Variants in ADGRL3 observed in about 807,000 individuals in gnomAD.
The protein encoded by ADGRL3 is adhesion G protein-coupled receptor L3.
In ADGRL3, 62 loss-of-function variants were observed where a neutral mutation model predicts 153.5. The observed-to-expected ratio is 0.40, with a 90% CI of 0.33 to 0.50. The LOEUF (loss-of-function observed/expected upper bound fraction) is 0.50. Among genes scored for constraint, ADGRL3 ranks in the 20% least tolerant of loss-of-function variants. The pLI, the probability that ADGRL3 is intolerant of heterozygous loss-of-function variation, is 0.47. For missense variants in ADGRL3, 1,641 were observed against 1,859.4 expected, an observed-to-expected ratio of 0.88 and a Z score of 2.16; for synonymous variants, 710 against 672.5, an observed-to-expected ratio of 1.06 and a Z score of -0.86.
intron 25 of ADGRL3, among the ~76,000 whole-genome samples, chr4:62,046,835 T>C (rs933684134): frequency 6.6e-6 from 1 of 151,934 alleles, no homozygotes; most frequent in African/African-American, 2.4e-5. Flanking sequence ...ATCTTATTTT[T>C]TTATCTTAGA....
At chr4:61,898,967 C>T (rs2098648052) in intron 11 of ADGRL3, among the ~76,000 whole-genome samples, 1 of 151,908 alleles carries the variant, frequency 6.6e-6, no homozygotes, top group Non-Finnish European at 1.5e-5. Flanking sequence ...GCCACGTTGC[C>T]TGCTCCTTAC....
intron 9 of ADGRL3, among the ~76,000 whole-genome samples, chr4:61,842,151 C>A (rs903548551): frequency 2.0e-5 from 3 of 151,864 alleles, no homozygotes; most frequent in African/African-American, 7.3e-5. Context: ...CATTTTAATA[C>A]CAAAAGCAAT....
intron 22 of ADGRL3, among the ~76,000 whole-genome samples, chr4:62,029,825 T>C (rs1343973585): frequency 6.6e-6 from 1 of 151,608 alleles, no homozygotes; most frequent in Non-Finnish European, 1.5e-5. Flanking sequence ...ATTATTTTGT[T>C]TTTAAATCTA....
chr4:62,039,484 C>T (rs534790010), intron 24 of ADGRL3, among the ~76,000 whole-genome samples: 27 of 152,096 alleles, frequency 1.8e-4, no homozygotes, highest in Admixed American at 4.6e-4. Context: ...TTTTACTAAC[C>T]ACAATCATGA....
intron 13 of ADGRL3, among the ~76,000 whole-genome samples, chr4:61,926,921 C>T (rs1034658121): frequency 2.6e-5 from 4 of 152,162 alleles, no homozygotes; most frequent in African/African-American, 9.7e-5. Flanking sequence ...AGTGCCTATT[C>T]TCTTTCACCT....
intron 1 of ADGRL3, among the ~76,000 whole-genome samples, chr4:61,224,113 A>G (rs1746853116): frequency 2.0e-5 from 3 of 152,270 alleles, no homozygotes; most frequent in South Asian, 4.1e-4. Flanking sequence ...ATCTTCGTGT[A>G]TACTGTGTGG....
At chr4:61,227,218 T>C (rs1304005872) in intron 1 of ADGRL3, among the ~76,000 whole-genome samples, 2 of 152,124 alleles carry the variant, frequency 1.3e-5, no homozygotes, top group African/African-American at 4.8e-5. Flanking sequence ...ACTTTTTTTT[T>C]CTTTTGAGAT....
At chr4:61,292,548 G>T (rs1045573666) in intron 1 of ADGRL3, among the ~76,000 whole-genome samples, 3 of 152,080 alleles carry the variant, frequency 2.0e-5, no homozygotes, top group Non-Finnish European at 2.9e-5. Flanking sequence ...TTCATAATTT[G>T]GACTTTAACT....
intron 21 of ADGRL3, among the ~76,000 whole-genome samples, chr4:62,017,479 C>T (rs2099217790): frequency 6.6e-6 from 1 of 150,398 alleles, no homozygotes. Flanking sequence ...AAGTAAGTGA[C>T]ATGATTGATT....
chr4:61,347,578 G>A (rs2095946932), intron 1 of ADGRL3, among the ~76,000 whole-genome samples: 2 of 152,040 alleles, frequency 1.3e-5, no homozygotes, highest in Non-Finnish European at 2.9e-5. Flanking sequence ...CATATTTAAA[G>A]TCCTTGGAAA....
At chr4:61,210,059 T>C (rs1739200669) in intron 1 of ADGRL3, among the ~76,000 whole-genome samples, 1 of 152,166 alleles carries the variant, frequency 6.6e-6, no homozygotes, top group South Asian at 2.1e-4. Flanking sequence ...TGAGTTGAAA[T>C]TTTAGAATTG....
chr4:61,716,220 G>A (rs2096111712), intron 6 of ADGRL3, among the ~76,000 whole-genome samples: 1 of 152,060 alleles, frequency 6.6e-6, no homozygotes, highest in Non-Finnish European at 1.5e-5. Context: ...AAAGACTGGT[G>A]TGTGGCTCTA....
At chr4:61,507,188 C>A (rs1560750869) in intron 3 of ADGRL3, among the ~76,000 whole-genome samples, 1 of 152,178 alleles carries the variant, frequency 6.6e-6, no homozygotes, top group South Asian at 2.1e-4. Context: ...ACCTTCAGGG[C>A]ACATTATTTA....
rs397972603 is a variant in ADGRL3, at chr4:61,906,715, CT to C, written c.1888-2831del. On this transcript the variant is annotated intron_variant, in intron 11 of 26. Coordinates refer to ENST00000683033, the MANE Select transcript of ADGRL3 (RefSeq NM_001387552.1). ...CTTGACACCACTTAATGATATTAAA[CT>C]TTTTTTTTTTTTTACTTTTTGAGTT... is the stretch of plus-strand genomic sequence containing the variant. Among the ~76,000 whole-genome samples, 679 of 143,030 alleles carry C rather than the reference CT, an allele frequency of 4.7e-3. 1 individual carries two copies. Among genetic ancestry groups the C allele is most frequent in the African/African-American group, 7.0e-3 (274 of 39,272 alleles). The allele number at this position is 143,030 out of a possible 152,430, so 93.8% of individuals were successfully genotyped here. A position where few individuals can be genotyped will look rare whatever the true frequency, so the allele number is the denominator to read the frequency against.
chr4:61,877,109 C>A (rs574397628), intron 9 of ADGRL3, among the ~76,000 whole-genome samples: 1 of 152,000 alleles, frequency 6.6e-6, no homozygotes, highest in South Asian at 2.1e-4. Context: ...TTGATGAAAT[C>A]GATGGGAGTT....
chr4:61,307,221 T>C (rs75780030), intron 1 of ADGRL3, among the ~76,000 whole-genome samples: 2,339 of 152,318 alleles, frequency 0.015, 72 homozygotes, highest in African/African-American at 0.053. Flanking sequence ...TGGAAAGATA[T>C]TTTGAAAATT....
chr4:61,767,295 G>A (rs2097001149), intron 8 of ADGRL3, among the ~76,000 whole-genome samples: 1 of 151,614 alleles, frequency 6.6e-6, no homozygotes, highest in South Asian at 2.1e-4. Flanking sequence ...GGGCAGGTGG[G>A]GACAACTAAA....
chr4:61,802,703 TTAAAC>T (rs915517068), intron 8 of ADGRL3, among the ~76,000 whole-genome samples: 13 of 151,906 alleles, frequency 8.6e-5, no homozygotes, highest in African/African-American at 2.9e-4. Flanking sequence ...CCCAAACAAT[TTAAAC>T]TAAGCAGAAT....
At chr4:61,348,313 T>A (rs2095967189) in intron 1 of ADGRL3, among the ~76,000 whole-genome samples, 1 of 152,054 alleles carries the variant, frequency 6.6e-6, no homozygotes, top group Non-Finnish European at 1.5e-5. Context: ...GCATAATTTT[T>A]GAATGTATAT....
Sources: allele counts gnomAD v4.1 joint callset (sites outside exome capture counted in the v4.1 genomes callset), GRCh38; gene constraint gnomAD v4.1.1; transcripts MANE v1.5; gene names NCBI Gene and HGNC (gene_info 2026-07-23, HGNC 2026-07-21).